DCHS2: variants seen among roughly 807,000 people sequenced by gnomAD.
DCHS2 encodes the protein dachsous cadherin-related 2.
A neutral mutation model predicts 182.4 loss-of-function variants in DCHS2; 142 were observed. The ratio of observed to expected loss-of-function variants is 0.78; its 90% confidence interval spans 0.68 to 0.89. The LOEUF (loss-of-function observed/expected upper bound fraction) is 0.89. Ranked by LOEUF, DCHS2 falls within the 40% of genes least tolerant of loss-of-function variation. DCHS2 has a pLI of 0.00. For missense variants in DCHS2, 4,319 were observed against 4,198.6 expected (o/e 1.03, Z -0.79); for synonymous variants, 1,740 against 1,663.3 (o/e 1.05, Z -1.12).
chr4:154,433,384 T>TTC (rs1177398540), intron 1 of DCHS2, among the ~76,000 whole-genome samples: 1 of 135,868 alleles, frequency 7.4e-6, no homozygotes, highest in Non-Finnish European at 1.6e-5. Context: ...ATAACTAGTT[T>TTC]TTTTTTTTTC....
intron 13 of DCHS2, among the ~76,000 whole-genome samples, chr4:154,287,353 TAGAA>T (rs1734449777): frequency 6.6e-6 from 1 of 152,188 alleles, no homozygotes; most frequent in African/African-American, 2.4e-5. Flanking sequence ...TTGTTCTAAG[TAGAA>T]AGACTAAACA....
chr4:154,394,979 T>A (rs1295985489), intron 1 of DCHS2, among the ~76,000 whole-genome samples: 1 of 151,974 alleles, frequency 6.6e-6, no homozygotes, highest in Admixed American at 6.6e-5. Flanking sequence ...ATGTGCCCAT[T>A]TGGAGAAAGG....
intron 1 of DCHS2, among the ~76,000 whole-genome samples, chr4:154,394,099 C>CG (rs1560732110): frequency 1.3e-5 from 2 of 152,018 alleles, no homozygotes; most frequent in African/African-American, 4.8e-5. Context: ...AGGTGTGGAG[C>CG]GGAAGGCTAG....
intron 1 of DCHS2, among the ~76,000 whole-genome samples, chr4:154,390,215 C>T (rs990225315): frequency 6.6e-6 from 1 of 150,532 alleles, no homozygotes; most frequent in Admixed American, 6.6e-5. Context: ...GCTGCACCCA[C>T]TAACTCGTCA....
intron 1 of DCHS2, among the ~76,000 whole-genome samples, chr4:154,389,516 T>TTATATATATATATATATATATATA (rs72440696): frequency 0.053 from 5,868 of 110,204 alleles, 791 homozygotes; most frequent in Non-Finnish European, 0.075. Flanking sequence ...AAGACAAAGG[T>TTATATATATATATATATATATATA]TATATATATA....
At chr4:154,239,074 T>A (rs1208389047) in intron 19 of DCHS2, 96 bp downstream of exon 19, 2 of 1,457,236 alleles carry the variant, frequency 1.4e-6, no homozygotes, top group East Asian at 2.4e-5. Flanking sequence ...GGTGGGGAGG[T>A]GGGGAACTTT....
At chr4:154,322,592 G>A (rs1378772890) in intron 7 of DCHS2, 104 bp from the exon 8 acceptor site, 2 of 1,368,188 alleles carry the variant, frequency 1.5e-6, no homozygotes, top group African/African-American at 2.9e-5. Context: ...TGTTTGCTTT[G>A]AATTCTATGA....
chr4:154,387,192 C>T (rs909234203), intron 1 of DCHS2, among the ~76,000 whole-genome samples: 2 of 152,090 alleles, frequency 1.3e-5, no homozygotes, highest in African/African-American at 4.8e-5. Flanking sequence ...TTTAAGCAAC[C>T]ACGAATTCTA....
rs77468185 is a variant in DCHS2 at position 154,235,650 on chromosome 4, G to A, written c.9002C>T (p.Ser3001Phe). 1 of 1,613,798 alleles carries A rather than the reference G, an allele frequency of 6.2e-7. No individual in the cohort carries two copies. The highest frequency in any genetic ancestry group is 8.5e-7 in the Non-Finnish European group (1 of 1,179,932). ...GATGAGTATCAGAAACACTAAAAAG[G>A]AGACCACCAGGCTGATTGAAAAGCT... ...ASSFSISLVV[S>F]FLVFLILICI... Residue 3001 changes from serine to phenylalanine, a missense_variant, in exon 20 of 20, where the codon TCC (serine) becomes TTC (phenylalanine). Ser to Phe is a radical substitution (Grantham distance 155). Coordinates refer to ENST00000357232, the MANE Select transcript of DCHS2 (RefSeq NM_001358235.2).
intron 9 of DCHS2, among the ~76,000 whole-genome samples, chr4:154,318,200 T>TTATA (rs1014085226): frequency 2.0e-5 from 3 of 151,380 alleles, no homozygotes; most frequent in Non-Finnish European, 4.4e-5. Context: ...TGTGTCTATT[T>TTATA]TATATATATA....
chr4:154,276,690 T>C (rs1026199439), intron 13 of DCHS2, among the ~76,000 whole-genome samples: 1 of 152,164 alleles, frequency 6.6e-6, no homozygotes, highest in African/African-American at 2.4e-5. Context: ...GGAGTGACAT[T>C]AGCAAGATGG....
In DCHS2 at chr4:154,308,947, A is replaced by C. The variant is rs189020597; in HGVS notation, c.5261-3716T>G. ...AAAGATGAATAGGAGTTAATGGGTA[A>C]GAGGGAAGAAAGAACATTTGAATGA... On this transcript the variant is annotated intron_variant, in intron 10 of 19. Transcript: ENST00000357232. Among the ~76,000 whole-genome samples the C allele has an allele frequency of 2.6e-5, 4 of 152,294 alleles. No homozygotes were observed. In the East Asian group the frequency reaches 7.7e-4, roughly 29 times the overall value.
rs539268925 is a variant in DCHS2 at position 154,383,014 on chromosome 4, C to A, written c.2053-5570G>T. 5.3e-5 allele frequency among the ~76,000 whole-genome samples: 8 copies of A among 152,238 alleles called. No individual in the cohort carries two copies. The East Asian group carries it at 1.5e-3, about 29-fold the overall frequency. On this transcript the variant is annotated intron_variant, in intron 1 of 19. Transcript: ENST00000357232. ...AATATCCAAAGGAAAATAAATTATT[C>A]TACCAAAAAGACACATGCACTTGCA...
At chr4:154,305,663 A>G (rs556484859) in intron 10 of DCHS2, among the ~76,000 whole-genome samples, 1 of 152,226 alleles carries the variant, frequency 6.6e-6, no homozygotes, top group South Asian at 2.1e-4. Context: ...TTTATTCTCA[A>G]CCTCAAGAAG....
chr4:154,320,251 T>C lies in DCHS2; in HGVS notation c.5020+128A>G, dbSNP rs921719463. The C allele has an allele frequency of 2.0e-5, 28 of 1,402,738 alleles. 1 individual carries two copies. Among genetic ancestry groups the C allele is most frequent in the Middle Eastern group, 4.2e-4 (2 of 4,740 alleles). The allele number at this position is 1,402,738 out of a possible 1,614,324, so 86.9% of individuals were successfully genotyped here. A position where few individuals can be genotyped will look rare whatever the true frequency, so the allele number is the denominator to read the frequency against. On this transcript the variant is annotated intron_variant, in intron 9 of 19. Transcript: ENST00000357232. ...GTAAATAATATCTAGAGATACGCTG[T>C]GCAACATTGAACTCACAGTCAACAA... is the stretch of plus-strand genomic sequence containing the variant.
chr4:154,298,499 G>A lies in DCHS2; in HGVS notation c.5815C>T (p.Gln1939Ter), dbSNP rs751996925. 7 of 1,613,954 alleles carry A rather than the reference G, an allele frequency of 4.3e-6. No homozygotes were observed. The highest frequency in any genetic ancestry group is 1.3e-5 in the African/African-American group (1 of 74,922). The change falls in exon 13 of 20, where the codon CAG (glutamine) becomes TAG (stop). Residue 1939 changes from glutamine to a stop codon, truncating the protein, a stop_gained. Transcript: ENST00000357232. LOFTEE classifies it high-confidence loss of function. ...TCAGCATCTTCTCTCACAGAGGACT[G>A]GTAATAAAGTGTGGGAAAAGAAGGA... ...HSPSFPTLYY[Q>*]SSVREDAEVG...
intron 1 of DCHS2, among the ~76,000 whole-genome samples, chr4:154,452,716 C>A (rs1734588128): frequency 6.6e-6 from 1 of 152,096 alleles, no homozygotes. Context: ...TAAATCCATC[C>A]AAATAACCCT....
At chr4:154,485,686 G>A (rs545635310) in intron 1 of DCHS2, among the ~76,000 whole-genome samples, 1 of 152,224 alleles carries the variant, frequency 6.6e-6, no homozygotes, top group Admixed American at 6.5e-5. Flanking sequence ...ATTAATGAAT[G>A]TTGTTGTTTG....
chr4:154,402,302 A>G lies in DCHS2; in HGVS notation c.2053-24858T>C, dbSNP rs185531646. On this transcript the variant is annotated intron_variant, in intron 1 of 19. Transcript: ENST00000357232. Reference sequence around the variant, plus strand: ...AATATAGCTTTATACAAGGTTTTAAATCAAGTAGGGAAAGTTCCCCATCTC... The same window carrying G: ...AATATAGCTTTATACAAGGTTTTAAGTCAAGTAGGGAAAGTTCCCCATCTC... Among the ~76,000 whole-genome samples the G allele has an allele frequency of 3.2e-4, 48 of 152,324 alleles. 1 individual carries two copies. The highest frequency in any genetic ancestry group is 1.0e-3 in the African/African-American group (43 of 41,580).
Sources: allele counts gnomAD v4.1 joint callset (sites outside exome capture counted in the v4.1 genomes callset), GRCh38; gene constraint gnomAD v4.1.1; transcripts MANE v1.5; gene names NCBI Gene and HGNC (gene_info 2026-07-23, HGNC 2026-07-21).